Variants in KCNIP1 observed in about 807,000 individuals in gnomAD.
KCNIP1 encodes the protein potassium voltage-gated channel interacting protein 1, also known as A-type potassium channel modulatory protein KCNIP1.
KCNIP1 carries 18 observed loss-of-function variants against 33.0 expected under a neutral mutation model. That is an observed-to-expected ratio of 0.55 (90% confidence interval 0.38 to 0.81). The LOEUF is 0.81. KCNIP1 is among the 30% of genes least tolerant of loss of function. The pLI is 0.00. For synonymous variants in KCNIP1, 93 were observed against 98.3 expected, an observed-to-expected ratio of 0.95 and a Z score of 0.32; for missense variants, 238 against 271.6, an observed-to-expected ratio of 0.88 and a Z score of 0.87.
intron 1 of KCNIP1, among the ~76,000 whole-genome samples, chr5:170,582,629 G>A (rs966530696): frequency 1.3e-4 from 20 of 152,230 alleles, no homozygotes; most frequent in Middle Eastern, 3.4e-3. Context: ...TCTTATTCCC[G>A]AAGAGATCCA....
At chr5:170,721,019 A>G (rs1487564397) in intron 3 of KCNIP1, among the ~76,000 whole-genome samples, 3 of 152,216 alleles carry the variant, frequency 2.0e-5, no homozygotes, top group Non-Finnish European at 2.9e-5. Flanking sequence ...TGGGCCTGGG[A>G]CCACATCGGT....
intron 1 of KCNIP1, among the ~76,000 whole-genome samples, chr5:170,481,306 CCT>C (rs922708837): frequency 2.0e-5 from 3 of 152,148 alleles, no homozygotes; most frequent in African/African-American, 7.2e-5. Context: ...CCAAAGAGCC[CCT>C]GTTTCTTTAA....
rs2113906403 is a variant in KCNIP1 at position 170,736,462 on chromosome 5, C to T, written c.*656C>T. The T allele has an allele frequency of 6.5e-6, 1 of 152,692 alleles. No homozygotes were observed. The highest frequency in any genetic ancestry group is 6.5e-5 in the Admixed American group (1 of 15,304). The allele number at this position is 152,692 out of a possible 1,614,324, so 9.5% of individuals were successfully genotyped here. A position where few individuals can be genotyped will look rare whatever the true frequency, so the allele number is the denominator to read the frequency against. ...GGCATTTGTGCTGGTAGTACAAGTC[C>T]TTTAATATGTCCAGGAAGGGAGCCA... On this transcript the variant is annotated 3_prime_UTR_variant, in exon 8 of 8. Transcript: ENST00000328939.
At chr5:170,385,299 G>A (rs2071156) in intron 1 of KCNIP1, 319,876 of 1,613,396 alleles carry the variant, frequency 0.2, 32,960 homozygotes, top group South Asian at 0.27. Context: ...TGGGCAGGCC[G>A]GGAGAGCTCA....
intron 1 of KCNIP1, among the ~76,000 whole-genome samples, chr5:170,472,857 G>A (rs536388915): frequency 8.5e-5 from 13 of 152,288 alleles, no homozygotes; most frequent in African/African-American, 2.4e-4. Flanking sequence ...TCGGTTCCAC[G>A]ATTTTGCAAT....
At chr5:170,588,725 G>T (rs921312782) in intron 1 of KCNIP1, among the ~76,000 whole-genome samples, 18 of 152,144 alleles carry the variant, frequency 1.2e-4, no homozygotes, top group African/African-American at 4.3e-4. Context: ...ACATGTGTAG[G>T]CTGTTTCCTG....
At chr5:170,546,809 A>G (rs962970830) in intron 1 of KCNIP1, among the ~76,000 whole-genome samples, 2 of 152,200 alleles carry the variant, frequency 1.3e-5, no homozygotes, top group African/African-American at 4.8e-5. Context: ...ATTAATATAT[A>G]CAGCAATATT....
intron 1 of KCNIP1, among the ~76,000 whole-genome samples, chr5:170,459,507 T>C (rs1446339804): frequency 6.6e-6 from 1 of 152,152 alleles, no homozygotes; most frequent in Non-Finnish European, 1.5e-5. Flanking sequence ...TAGACCACAG[T>C]GGAATAAAAC....
At chr5:170,467,013 G>A (rs1307339979) in intron 1 of KCNIP1, among the ~76,000 whole-genome samples, 1 of 152,190 alleles carries the variant, frequency 6.6e-6, no homozygotes, top group East Asian at 1.9e-4. Context: ...GAATGTGAGT[G>A]TAATAAAACC....
At chr5:170,719,232 A>G (rs115728696) in intron 2 of KCNIP1, among the ~76,000 whole-genome samples, 1 of 152,030 alleles carries the variant, frequency 6.6e-6, no homozygotes, top group African/African-American at 2.4e-5. Context: ...CTGCTGACTT[A>G]TGCTAACCAG....
At chr5:170,432,535 A>G (rs956430828) in intron 1 of KCNIP1, among the ~76,000 whole-genome samples, 9 of 152,226 alleles carry the variant, frequency 5.9e-5, no homozygotes, top group Admixed American at 2.0e-4. Flanking sequence ...CTATGATACG[A>G]GCCCATATAA....
At chr5:170,598,588 G>C (rs4867990) in intron 1 of KCNIP1, among the ~76,000 whole-genome samples, 1 of 152,034 alleles carries the variant, frequency 6.6e-6, no homozygotes, top group Non-Finnish European at 1.5e-5. Flanking sequence ...GGGTGGACTC[G>C]AGTCCTAGAG....
rs529319390 is a variant in KCNIP1, at chr5:170,367,431, A to G, written c.88+13467A>G. ...AAAGAAAGAAAGAAAGGAAAGAAAGAAAGAAAGGAAAGAAAGGAAAGAAAG... is the reference window on the plus strand; with the variant it reads ...AAAGAAAGAAAGAAAGGAAAGAAAGGAAGAAAGGAAAGAAAGGAAAGAAAG... On this transcript the variant is annotated intron_variant, in intron 1 of 7. Coordinates refer to the KCNIP1 transcript ENST00000377360. 2.9e-4 allele frequency among the ~76,000 whole-genome samples: 43 copies of G among 146,898 alleles called. 3 individuals are homozygous for G. Among genetic ancestry groups the G allele is most frequent in the African/African-American group, 9.9e-4 (39 of 39,304 alleles).
intron 1 of KCNIP1, among the ~76,000 whole-genome samples, chr5:170,490,126 G>A (rs7700418): frequency 0.072 from 10,932 of 152,262 alleles, 902 homozygotes; most frequent in African/African-American, 0.2. Context: ...TACTCAGTAA[G>A]CCATGAGAAG....
intron 1 of KCNIP1, among the ~76,000 whole-genome samples, chr5:170,437,789 G>A (rs955982852): frequency 6.6e-6 from 1 of 152,182 alleles, no homozygotes; most frequent in Non-Finnish European, 1.5e-5. Context: ...AGATGGAACT[G>A]CAAGAAGATC....
At chr5:170,439,063 A>T (rs1268616532) in intron 1 of KCNIP1, among the ~76,000 whole-genome samples, 2 of 152,202 alleles carry the variant, frequency 1.3e-5, no homozygotes, top group African/African-American at 4.8e-5. Flanking sequence ...GGTAGGGTGG[A>T]GGGCTACAAA....
At chr5:170,679,437 C>T (rs997082933) in intron 1 of KCNIP1, among the ~76,000 whole-genome samples, 1 of 152,086 alleles carries the variant, frequency 6.6e-6, no homozygotes, top group African/African-American at 2.4e-5. Flanking sequence ...TCCCTTTTCA[C>T]AAAGAAGGAA....
chr5:170,532,625 A>G (rs1215592341), intron 1 of KCNIP1, among the ~76,000 whole-genome samples: 1 of 152,116 alleles, frequency 6.6e-6, no homozygotes, highest in Non-Finnish European at 1.5e-5. Flanking sequence ...CCTCAGATCC[A>G]TTGGCCTGTA....
upstream of KCNIP1, among the ~76,000 whole-genome samples, chr5:170,502,818 G>T (rs573708177): frequency 2.6e-5 from 4 of 152,282 alleles, no homozygotes; most frequent in South Asian, 8.3e-4. Context: ...ATGGGTCTCA[G>T]TGGGAACCCA....
Sources: allele counts gnomAD v4.1 joint callset (sites outside exome capture counted in the v4.1 genomes callset), GRCh38; gene constraint gnomAD v4.1.1; transcripts MANE v1.5; gene names NCBI Gene and HGNC (gene_info 2026-07-23, HGNC 2026-07-21).